SMYD1: variants seen among roughly 807,000 people sequenced by gnomAD.
SMYD1 encodes SET and MYND domain containing 1.
A neutral mutation model predicts 54.0 loss-of-function variants in SMYD1; 49 were observed. That is an observed-to-expected ratio of 0.91 (90% CI 0.72 to 1.15). The LOEUF (loss-of-function observed/expected upper bound fraction) is 1.15, where lower values mean the gene tolerates loss of function less well. Among genes scored for constraint, SMYD1 ranks in the 50% most tolerant of loss-of-function variants. The probability of loss-of-function intolerance (pLI) is 0.00; values close to 1 mark genes in which losing one functional copy is unlikely to be tolerated. For missense variants in SMYD1, 653 were observed against 639.6 expected (o/e 1.02, Z -0.23); for synonymous variants, 269 against 234.2 (o/e 1.15, Z -1.36).
At chr2:88,102,457 C>T (rs1181428965) in intron 6 of SMYD1, among the ~76,000 whole-genome samples, 2 of 152,114 alleles carry the variant, frequency 1.3e-5, no homozygotes, top group East Asian at 1.9e-4. Flanking sequence ...CAGATATTCT[C>T]CTGTTATCCT....
intron 1 of SMYD1, among the ~76,000 whole-genome samples, chr2:88,078,439 G>A (rs1674117199): frequency 6.6e-6 from 1 of 152,104 alleles, no homozygotes; most frequent in Non-Finnish European, 1.5e-5. Context: ...GGAAACAAAA[G>A]CTTGGAGAAG....
rs1474971453 is a variant in SMYD1 at position 88,112,120 on chromosome 2, T to C, written c.*1608T>C. On this transcript the variant is annotated 3_prime_UTR_variant, in exon 10 of 10. Transcript: ENST00000419482. ...CTGGAAGGTTTTACAAGAAGACTGA[T>C]AGTCTTTCAAGCCCCCACATCACAG... 1 of 703,424 alleles carries C rather than the reference T, an allele frequency of 1.4e-6. No individual in the cohort carries two copies. Among genetic ancestry groups the C allele is most frequent in the Admixed American group, 2.0e-5 (1 of 50,012 alleles). The allele number at this position is 703,424 out of a possible 1,614,324, so 43.6% of individuals were successfully genotyped here.
rs1403201850 is a variant in SMYD1, at chr2:88,110,564, C to G, written c.*52C>G. On this transcript the variant is annotated 3_prime_UTR_variant, in exon 10 of 10. Transcript: ENST00000419482. ...GTGGCTGGGGAGCTAGGGAGAGACT[C>G]TGGAGGTGGTGGGTCTCTCGGGAGA... 6.7e-7 allele frequency: 1 copy of G among 1,494,758 alleles called. No individual in the cohort carries two copies. Among genetic ancestry groups the G allele is most frequent in the East Asian group, 2.5e-5 (1 of 39,954 alleles). 92.6% of individuals were successfully genotyped at this position (1,494,758 alleles called of 1,614,324 possible). A position where few individuals can be genotyped will look rare whatever the true frequency, so the allele number is the denominator to read the frequency against.
intron 9 of SMYD1, among the ~76,000 whole-genome samples, chr2:88,110,063 C>A (rs1381269128): frequency 6.6e-6 from 1 of 152,170 alleles, no homozygotes; most frequent in African/African-American, 2.4e-5. Flanking sequence ...GGGTTCAAAT[C>A]CAGGTCCCCA....
At chr2:88,102,317 T>C (rs1654234417) in intron 6 of SMYD1, among the ~76,000 whole-genome samples, 1 of 152,152 alleles carries the variant, frequency 6.6e-6, no homozygotes, top group South Asian at 2.1e-4. Context: ...GGAACTGCCT[T>C]CTTAATTTTG....
intron 6 of SMYD1, among the ~76,000 whole-genome samples, chr2:88,099,745 G>GA (rs772255065): frequency 6.6e-6 from 1 of 151,558 alleles, no homozygotes; most frequent in Non-Finnish European, 1.5e-5. Context: ...AAGAAGAAAA[G>GA]AAAAAAATCA....
At position 88,091,253 on chromosome 2, in the gene SMYD1, T is replaced by A. The variant is rs1674456228; in HGVS notation, c.659+111T>A. 5 of 1,189,198 alleles carry A rather than the reference T, an allele frequency of 4.2e-6. 1 individual carries two copies. The East Asian group carries it at 1.2e-4, about 29-fold the overall frequency. 73.7% of individuals were successfully genotyped at this position (1,189,198 alleles called of 1,614,324 possible). ...CCTGCTAAACCTGAACTAGCATAAA[T>A]TTTAAATGTATAGCACATAGAAATC... On this transcript the variant is annotated intron_variant, in intron 4 of 9. Transcript: ENST00000419482.
At position 88,112,118 on chromosome 2, in the gene SMYD1, GAT is replaced by G; in HGVS notation, c.*1608_*1609del. 1.4e-6 allele frequency: 1 copy of G among 703,430 alleles called. No homozygotes were observed. Among genetic ancestry groups the G allele is most frequent in the Non-Finnish European group, 2.6e-6 (1 of 385,108 alleles). The allele number at this position is 703,430 out of a possible 1,614,324, so 43.6% of individuals were successfully genotyped here. ...TTCTGGAAGGTTTTACAAGAAGACTGATAGTCTTTCAAGCCCCCACATCACAG... is the reference window on the plus strand; with the variant it reads ...TTCTGGAAGGTTTTACAAGAAGACTGAGTCTTTCAAGCCCCCACATCACAG... On this transcript the variant is annotated 3_prime_UTR_variant, in exon 10 of 10. Transcript: ENST00000419482.
intron 6 of SMYD1, among the ~76,000 whole-genome samples, chr2:88,101,434 A>C (rs1674718354): frequency 6.6e-6 from 1 of 152,218 alleles, no homozygotes; most frequent in African/African-American, 2.4e-5. Context: ...TGAGTGAAAA[A>C]ATGCTATAGA....
intron 7 of SMYD1, among the ~76,000 whole-genome samples, chr2:88,105,170 C>T (rs913266537): frequency 3.3e-5 from 5 of 152,176 alleles, no homozygotes; most frequent in Non-Finnish European, 7.3e-5. Context: ...TGGAGAATCA[C>T]AGGAATGGTG....
chr2:88,097,038 C>T (rs192226315), intron 6 of SMYD1, among the ~76,000 whole-genome samples: 1 of 152,184 alleles, frequency 6.6e-6, no homozygotes, highest in Non-Finnish European at 1.5e-5. Context: ...AATGATGGCC[C>T]CACTGCAAGA....
chr2:88,089,366 CCA>C (rs1269797448), intron 3 of SMYD1, among the ~76,000 whole-genome samples: 1 of 152,176 alleles, frequency 6.6e-6, no homozygotes, highest in Non-Finnish European at 1.5e-5. Flanking sequence ...CATTGACCAG[CCA>C]TGTGGGCACA....
chr2:88,071,722 C>T (rs990430304), intron 1 of SMYD1, among the ~76,000 whole-genome samples: 1 of 152,048 alleles, frequency 6.6e-6, no homozygotes. Context: ...AGTGAAGTAC[C>T]GTTACCAAGG....
At chr2:88,090,590 G>T in intron 3 of SMYD1, among the ~76,000 whole-genome samples, 1 of 152,022 alleles carries the variant, frequency 6.6e-6, no homozygotes, top group Non-Finnish European at 1.5e-5. Context: ...ACAGCTACAG[G>T]AGTTTAAACT....
intron 9 of SMYD1, among the ~76,000 whole-genome samples, chr2:88,110,116 T>C (rs1245616814): frequency 1.3e-5 from 2 of 152,086 alleles, no homozygotes; most frequent in Non-Finnish European, 2.9e-5. Context: ...TGAGAACGGT[T>C]CCTTCAGCTA....
intron 5 of SMYD1, 150 bp downstream of exon 5, chr2:88,093,705 T>A: frequency 1.2e-6 from 1 of 853,894 alleles, no homozygotes; most frequent in Non-Finnish European, 1.9e-6. Flanking sequence ...TTAATGCATT[T>A]AAATTAACCA....
At chr2:88,100,007 C>T (rs929641907) in intron 6 of SMYD1, among the ~76,000 whole-genome samples, 1 of 150,852 alleles carries the variant, frequency 6.6e-6, no homozygotes, top group Admixed American at 6.6e-5. Context: ...GCTCCTCCCC[C>T]AGCCCCTCAG....
At chr2:88,081,101 C>T (rs571532660) in intron 1 of SMYD1, among the ~76,000 whole-genome samples, 3 of 152,138 alleles carry the variant, frequency 2.0e-5, no homozygotes, top group African/African-American at 7.2e-5. Context: ...CGGGGTTTTG[C>T]CATGTTGGCC....
At chr2:88,104,892 G>A (rs1278048543) in intron 7 of SMYD1, among the ~76,000 whole-genome samples, 1 of 152,228 alleles carries the variant, frequency 6.6e-6, no homozygotes, top group Admixed American at 6.5e-5. Context: ...TTGCGGTCAG[G>A]TCCATCTTTT....
Sources: gnomAD v4.1 joint callset for allele counts (sites outside exome capture counted in the v4.1 genomes callset) on GRCh38, gnomAD v4.1.1 for gene constraint, MANE v1.5 for transcripts, NCBI Gene and HGNC (gene_info 2026-07-23, HGNC 2026-07-21) for gene names.